SPSB1: variants seen among roughly 807,000 people sequenced by gnomAD.
SPSB1 encodes splA/ryanodine receptor domain and SOCS box containing 1.
A neutral mutation model predicts 21.2 loss-of-function variants in SPSB1; 8 were observed. The ratio of observed to expected loss-of-function variants is 0.38; its 90% CI spans 0.22 to 0.68. The LOEUF is 0.68. SPSB1 is among the 30% of genes least tolerant of loss of function. The pLI is 0.53. For synonymous variants in SPSB1, 169 were observed against 161.7 expected, an observed-to-expected ratio of 1.05 and a Z score of -0.34; for missense variants, 242 against 377.8, an observed-to-expected ratio of 0.64 and a Z score of 2.98.
intron 2 of SPSB1, among the ~76,000 whole-genome samples, chr1:9,364,339 C>G (rs184035991): frequency 1.1e-4 from 17 of 152,382 alleles, no homozygotes; most frequent in Non-Finnish European, 2.2e-4. Context: ...CAGGCCAGAC[C>G]ACAGGCTGCG....
chr1:9,304,217 G>A (rs574433061), intron 1 of SPSB1, among the ~76,000 whole-genome samples: 11 of 152,236 alleles, frequency 7.2e-5, no homozygotes, highest in Admixed American at 2.0e-4. Context: ...ATTGGTCCCC[G>A]GGGTCTTTGG....
At chr1:9,340,145 G>T (rs911147084) in intron 1 of SPSB1, among the ~76,000 whole-genome samples, 2 of 152,216 alleles carry the variant, frequency 1.3e-5, no homozygotes, top group African/African-American at 4.8e-5. Flanking sequence ...GGCACGCAGG[G>T]TGACCAGTTC....
chr1:9,312,441 G>C (rs780707152), intron 1 of SPSB1, among the ~76,000 whole-genome samples: 1 of 152,136 alleles, frequency 6.6e-6, no homozygotes, highest in Non-Finnish European at 1.5e-5. Context: ...TTATGCACAC[G>C]CCACGCAGTT....
At chr1:9,332,935 G>A (rs907966890) in intron 1 of SPSB1, among the ~76,000 whole-genome samples, 1 of 152,242 alleles carries the variant, frequency 6.6e-6, no homozygotes, top group Non-Finnish European at 1.5e-5. Context: ...AGCAGGAGAG[G>A]GCATCGGCTG....
intron 1 of SPSB1, among the ~76,000 whole-genome samples, chr1:9,338,510 C>A (rs1640039832): frequency 1.3e-5 from 2 of 152,272 alleles, no homozygotes; most frequent in Non-Finnish European, 2.9e-5. Context: ...AGATGCTGCC[C>A]TGGCCACTCT....
At chr1:9,309,672 G>A (rs1269879158) in intron 1 of SPSB1, among the ~76,000 whole-genome samples, 1 of 152,030 alleles carries the variant, frequency 6.6e-6, no homozygotes, top group Non-Finnish European at 1.5e-5. Flanking sequence ...GTGAAACCCC[G>A]TCTCTACTAA....
rs910626117 is a variant in SPSB1, at chr1:9,321,324, C to T, written c.-150+28253C>T. On this transcript the variant is annotated intron_variant, in intron 1 of 2. Transcript: ENST00000328089. This position sits in a 1 kb window ranked among gnomAD's most constrained non-coding sequence, Gnocchi z 4.8. ...GGAAGAACTCCTTACAGAGAAAGCC[C>T]GTGTGTGTGGTGGAGCTCTAGACAG... Among the ~76,000 whole-genome samples, 7 of 152,148 alleles carry T rather than the reference C, an allele frequency of 4.6e-5. No individual in the cohort carries two copies. The highest frequency in any genetic ancestry group is 1.7e-4 in the African/African-American group (7 of 41,496).
chr1:9,304,575 A>G (rs1294028), intron 1 of SPSB1, among the ~76,000 whole-genome samples: 95,099 of 151,992 alleles, frequency 0.63, 29,945 homozygotes, highest in East Asian at 0.8. Flanking sequence ...GGCATGGGTA[A>G]GCTTCGGTAA....
At chr1:9,365,314 C>G (rs2100524445) in intron 2 of SPSB1, among the ~76,000 whole-genome samples, 1 of 151,894 alleles carries the variant, frequency 6.6e-6, no homozygotes, top group Non-Finnish European at 1.5e-5. Context: ...ATGAGGTCTC[C>G]CTATGTTGCT....
rs1386377011 is a variant in SPSB1 at position 9,345,068 on chromosome 1, C to T, written c.-149-10675C>T. Among the ~76,000 whole-genome samples the T allele has an allele frequency of 1.3e-5, 2 of 152,208 alleles. No individual in the cohort carries two copies. Among genetic ancestry groups the T allele is most frequent in the African/African-American group, 2.4e-5 (1 of 41,448 alleles). On this transcript the variant is annotated intron_variant, in intron 1 of 2. Transcript: ENST00000328089. The surrounding 1 kb of genome is among the most constrained non-coding windows in gnomAD (Gnocchi z 4.8). ...TTTGGATGCACTCCAGCCTCTTCCT[C>T]TCAGGCCAGGCAGCCCTGAACTCTG...
intron 1 of SPSB1, among the ~76,000 whole-genome samples, chr1:9,352,962 G>GC (rs908819651): frequency 6.6e-6 from 1 of 151,988 alleles, no homozygotes; most frequent in East Asian, 1.9e-4. Context: ...GCGGCAGGGG[G>GC]GCTGTGGAGG....
At chr1:9,361,168 T>TCTTTTTTTTC (rs1557467330) in intron 2 of SPSB1, among the ~76,000 whole-genome samples, 2 of 141,970 alleles carry the variant, frequency 1.4e-5, no homozygotes, top group African/African-American at 5.3e-5. Flanking sequence ...TTTTTTTTTT[T>TCTTTTTTTTC]TTTTTTTTTT....
chr1:9,313,616 A>T (rs1639561507), intron 1 of SPSB1, among the ~76,000 whole-genome samples: 2 of 151,976 alleles, frequency 1.3e-5, no homozygotes, highest in African/African-American at 4.8e-5. Flanking sequence ...GAAATTTCTG[A>T]TGGAGAGAAG....
Position 9,367,951 on chromosome 1 carries a change from G to C in SPSB1, c.*376G>C, listed in dbSNP as rs1170573841. On this transcript the variant is annotated 3_prime_UTR_variant, in exon 3 of 3. Coordinates refer to ENST00000328089, the MANE Select transcript of SPSB1 (RefSeq NM_025106.4). This position sits in a 1 kb window ranked among gnomAD's most constrained non-coding sequence, Gnocchi z 5.9. ...GCAGCCACCTGGGGGTCCCAGGGTG[G>C]TGGGGGTGGCAGGTGGTACCACAGC... is the stretch of plus-strand genomic sequence containing the variant. The C allele has an allele frequency of 4.9e-6, 1 of 205,100 alleles. No homozygotes were observed. The highest frequency in any genetic ancestry group is 5.3e-5 in the Admixed American group (1 of 19,024). The allele number at this position is 205,100 out of a possible 1,614,324, so 12.7% of individuals were successfully genotyped here. A position where few individuals can be genotyped will look rare whatever the true frequency, so the allele number is the denominator to read the frequency against.
At chr1:9,353,296 C>T (rs1230430022) in intron 1 of SPSB1, among the ~76,000 whole-genome samples, 2 of 152,192 alleles carry the variant, frequency 1.3e-5, no homozygotes, top group South Asian at 2.1e-4. Flanking sequence ...AGGCCACACC[C>T]GCACCACACC....
chr1:9,366,218 T>G (rs1640569384), intron 2 of SPSB1, among the ~76,000 whole-genome samples: 1 of 152,146 alleles, frequency 6.6e-6, no homozygotes. Flanking sequence ...GAGAGCCCCA[T>G]GTGCCTGGGG....
In SPSB1 at chr1:9,338,334, G is replaced by A. The variant is rs117990778; in HGVS notation, c.-149-17409G>A. ...GACCCTGTCCCCAGGGAGGAGGTTC[G>A]TGACTGTATGGGGGCTCTGGGTGTG... is the stretch of plus-strand genomic sequence containing the variant. On this transcript the variant is annotated intron_variant, in intron 1 of 2. Coordinates refer to ENST00000328089, the MANE Select transcript of SPSB1 (RefSeq NM_025106.4). Among the ~76,000 whole-genome samples, 131 of 152,296 alleles carry A rather than the reference G, an allele frequency of 8.6e-4. 3 individuals are homozygous for A. In the East Asian group the frequency reaches 0.01, roughly 12 times the overall value.
intron 1 of SPSB1, among the ~76,000 whole-genome samples, chr1:9,316,778 G>A (rs1569585621): frequency 6.6e-6 from 1 of 152,224 alleles, no homozygotes; most frequent in Non-Finnish European, 1.5e-5. Context: ...GGGTCTGGGG[G>A]CCGCAGCAGC....
At position 9,345,185 on chromosome 1, in the gene SPSB1, A is replaced by G. The variant is rs1640150885; in HGVS notation, c.-149-10558A>G. On this transcript the variant is annotated intron_variant, in intron 1 of 2. Transcript: ENST00000328089. This position sits in a 1 kb window ranked among gnomAD's most constrained non-coding sequence, Gnocchi z 4.8. ...TCCTGGGAGTCACTGGGCCCACCTG[A>G]TCCACCCTGCCTCAAGCCCCCGTCT... is the stretch of plus-strand genomic sequence containing the variant. 6.6e-6 allele frequency among the ~76,000 whole-genome samples: 1 copy of G among 152,016 alleles called. No individual in the cohort carries two copies. Among genetic ancestry groups the G allele is most frequent in the Non-Finnish European group, 1.5e-5 (1 of 68,000 alleles).
Sources: allele counts gnomAD v4.1 joint callset (sites outside exome capture counted in the v4.1 genomes callset), GRCh38; gene constraint gnomAD v4.1.1; non-coding constraint Gnocchi (gnomAD v3.1); transcripts MANE v1.5; gene names NCBI Gene and HGNC (gene_info 2026-07-23, HGNC 2026-07-21).